The following PKD1L1 variants were observed in gnomAD, a reference collection of about 807,000 sequenced individuals.
PKD1L1 encodes polycystin-1-like protein 1.
Under a neutral mutation model 323.4 loss-of-function variants are expected in PKD1L1, and 236 were observed. That is an observed-to-expected ratio of 0.73 (90% CI 0.66 to 0.81). The LOEUF (loss-of-function observed/expected upper bound fraction) is 0.81, where lower values mean the gene tolerates loss of function less well. Among genes scored for constraint, PKD1L1 ranks in the 40% least tolerant of loss-of-function variants. PKD1L1 has a pLI of 0.00. For synonymous variants in PKD1L1, 1,344 were observed against 1,335.0 expected, an observed-to-expected ratio of 1.01 and a Z score of -0.15; for missense variants, 3,320 against 3,508.0, an observed-to-expected ratio of 0.95 and a Z score of 1.35.
upstream of PKD1L1, among the ~76,000 whole-genome samples, chr7:47,949,356 G>A (rs552428789): frequency 1.6e-3 from 93 of 58,126 alleles, no homozygotes; most frequent in Admixed American, 5.8e-3. Context: ...GCAACAGAGC[G>A]AGGCTCTGTC....
chr7:47,814,154 C>G, intron 47 of PKD1L1, 140 bp from the exon 48 acceptor site: 1 of 620,822 alleles, frequency 1.6e-6, no homozygotes, highest in Non-Finnish European at 2.8e-6. Context: ...CCTTCCAATA[C>G]CATTTTAGGG....
chr7:47,870,414 A>T (rs1786257652), intron 24 of PKD1L1, among the ~76,000 whole-genome samples: 1 of 152,162 alleles, frequency 6.6e-6, no homozygotes, highest in African/African-American at 2.4e-5. Flanking sequence ...TACTAAAATC[A>T]GGAATGAAAT....
intron 45 of PKD1L1, among the ~76,000 whole-genome samples, chr7:47,823,326 T>A (rs925130608): frequency 2.1e-4 from 32 of 152,350 alleles, no homozygotes; most frequent in African/African-American, 7.7e-4. Context: ...CTGCCTCTAT[T>A]GAGACGAGCA....
chr7:47,793,499 G>GT (rs1268772270), intron 55 of PKD1L1, among the ~76,000 whole-genome samples: 1 of 152,166 alleles, frequency 6.6e-6, no homozygotes, highest in African/African-American at 2.4e-5. Flanking sequence ...CCACTGCCAC[G>GT]TAAGATGTGC....
Position 47,904,579 on chromosome 7 carries a change from C to T in PKD1L1, c.1730G>A (p.Ser577Asn). Residue 577 changes from serine (S) to asparagine (N), a missense_variant, in exon 12 of 57, where the codon AGT becomes AAT. Transcript: ENST00000289672. The stretch of plus-strand genomic sequence containing the variant: ...GATGACATGGGGCTCAGAGACCACA[C>T]TGCTCATCCTGTTGGAAGCCTTAAC... Reference protein sequence around the residue: ...VMVKASNRMSSVVSEPHVIRV... With the variant: ...VMVKASNRMSNVVSEPHVIRV... 1 of 1,614,024 alleles carries T rather than the reference C, an allele frequency of 6.2e-7. No homozygotes were observed. Among genetic ancestry groups the T allele is most frequent in the Non-Finnish European group, 8.5e-7 (1 of 1,179,898 alleles).
chr7:47,827,375 C>T lies in PKD1L1; in HGVS notation c.6829G>A (p.Glu2277Lys), dbSNP rs1283510907. The T allele has an allele frequency of 1.9e-6, 3 of 1,613,172 alleles. No individual in the cohort carries two copies. The African/African-American group carries it at 4.0e-5, about 21-fold the overall frequency. The change falls in exon 45 of 57, where the codon GAG becomes AAG. Residue 2277 changes from glutamate (E) to lysine (K), a missense_variant. Coordinates refer to ENST00000289672, the MANE Select transcript of PKD1L1 (RefSeq NM_138295.5). Reference protein sequence around the residue: ...LRGTRQRMRRESRTRAALRDI... With the variant: ...LRGTRQRMRRKSRTRAALRDI... ...CTCAGGGCAGCCCGTGTGCGACTCT[C>T]TCTCCTCATCCTCTGTCTGGTGCCC... is the stretch of plus-strand genomic sequence containing the variant.
intron 17 of PKD1L1, among the ~76,000 whole-genome samples, chr7:47,886,870 A>C (rs1438778024): frequency 1.3e-5 from 2 of 152,172 alleles, no homozygotes; most frequent in Non-Finnish European, 2.9e-5. Flanking sequence ...CTAGTATAAC[A>C]GTTTTCAAAA....
chr7:47,819,550 G>A (rs79877989), intron 46 of PKD1L1: 2 of 1,362,726 alleles, frequency 1.5e-6, no homozygotes, highest in African/African-American at 3.0e-5. Context: ...GGATAGGAGA[G>A]CTGAAAAGTT....
At position 47,882,006 on chromosome 7, in the gene PKD1L1, G is replaced by T. The variant is rs1225477071; in HGVS notation, c.3345C>A (p.Asp1115Glu). 2.5e-6 allele frequency: 4 copies of T among 1,614,040 alleles called. No individual in the cohort carries two copies. The highest frequency in any genetic ancestry group is 3.4e-6 in the Non-Finnish European group (4 of 1,180,000). ...CGGCTCTGCCTGCAGACAGGGAGGGGTCCACCAGGTTATCCCCATCTCCAG... is the reference window on the plus strand; with the variant it reads ...CGGCTCTGCCTGCAGACAGGGAGGGTTCCACCAGGTTATCCCCATCTCCAG... Reference protein sequence around the residue: ...ESPGDGDNLVDPSLSAGRAEP... With the variant: ...ESPGDGDNLVEPSLSAGRAEP... The change falls in exon 20 of 57, where the codon GAC becomes GAA. Residue 1115 changes from aspartate to glutamate, a missense_variant. Asp to Glu is a conservative substitution (Grantham distance 45, BLOSUM62 2). Transcript: ENST00000289672.
chr7:47,836,106 TGC>T (rs1785451625), intron 37 of PKD1L1, among the ~76,000 whole-genome samples: 1 of 152,212 alleles, frequency 6.6e-6, no homozygotes, highest in South Asian at 2.1e-4. Flanking sequence ...GTTCCCTTCC[TGC>T]TACTTGATGA....
intron 26 of PKD1L1, among the ~76,000 whole-genome samples, chr7:47,864,624 C>CTTTCTT (rs1786115815): frequency 7.2e-6 from 1 of 138,040 alleles, no homozygotes; most frequent in Non-Finnish European, 1.6e-5. Context: ...TTCTTTCTTT[C>CTTTCTT]TTTCTTTCTT....
At chr7:47,779,386 A>C (rs1584938199) in intron 56 of PKD1L1, among the ~76,000 whole-genome samples, 1 of 152,288 alleles carries the variant, frequency 6.6e-6, no homozygotes, top group Middle Eastern at 3.4e-3. Flanking sequence ...TTTGTGGTTA[A>C]ATTATGCTGA....
chr7:47,833,038 G>A (rs1037925100), intron 41 of PKD1L1, 52 bp downstream of exon 41: 2 of 1,561,374 alleles, frequency 1.3e-6, no homozygotes, highest in Admixed American at 1.8e-5. Context: ...CCCAATGGCT[G>A]CAGGTCTGCT....
At chr7:47,820,249 A>C (rs1004613799) in intron 46 of PKD1L1, among the ~76,000 whole-genome samples, 1 of 152,218 alleles carries the variant, frequency 6.6e-6, no homozygotes, top group Non-Finnish European at 1.5e-5. Context: ...AGACATGGAA[A>C]AGAAATATGA....
At chr7:47,795,847 T>G in intron 55 of PKD1L1, 142 bp downstream of exon 55, 19 of 969,696 alleles carry the variant, frequency 2.0e-5, no homozygotes, top group East Asian at 4.9e-5. Flanking sequence ...CCACTATGAT[T>G]GAGACTAATT....
intron 16 of PKD1L1, among the ~76,000 whole-genome samples, chr7:47,888,439 G>A (rs751235746): frequency 6.6e-6 from 1 of 152,216 alleles, no homozygotes; most frequent in Non-Finnish European, 1.5e-5. Context: ...ACAGCGGTGA[G>A]GGCAGAGCTG....
chr7:47,888,211 T>A, intron 16 of PKD1L1, 61 bp from the exon 17 acceptor site: 2 of 1,514,526 alleles, frequency 1.3e-6, no homozygotes, highest in Non-Finnish European at 9.1e-7. Flanking sequence ...TTTGGTCACA[T>A]TAATTCATGT....
intron 7 of PKD1L1, among the ~76,000 whole-genome samples, chr7:47,922,122 C>T (rs1029120999): frequency 7.9e-5 from 12 of 152,322 alleles, no homozygotes; most frequent in Non-Finnish European, 1.5e-4. Flanking sequence ...CCGTGTTGGC[C>T]GGGCTGGTCT....
intron 3 of PKD1L1, among the ~76,000 whole-genome samples, chr7:47,939,245 A>G (rs1455442402): frequency 2.0e-5 from 3 of 152,186 alleles, no homozygotes; most frequent in Admixed American, 6.5e-5. Flanking sequence ...TTGAGATCAA[A>G]TTCATTTCAA....
Sources: gnomAD v4.1 joint callset for allele counts (sites outside exome capture counted in the v4.1 genomes callset) on GRCh38, gnomAD v4.1.1 for gene constraint, MANE v1.5 for transcripts, NCBI Gene and HGNC (gene_info 2026-07-23, HGNC 2026-07-21) for gene names.